Variants in TIMM17A observed in about 807,000 individuals in gnomAD.
TIMM17A encodes mitochondrial import inner membrane translocase subunit Tim17-A.
In TIMM17A, 15 loss-of-function variants were observed where a neutral mutation model predicts 26.5. The observed-to-expected ratio is 0.57, with a 90% confidence interval of 0.38 to 0.87. The LOEUF (loss-of-function observed/expected upper bound fraction) is 0.87. TIMM17A is among the 40% of genes least tolerant of loss of function. The pLI is 0.00. For synonymous variants in TIMM17A, 80 were observed against 70.8 expected (o/e 1.13, Z -0.66); for missense variants, 201 against 210.0 (o/e 0.96, Z 0.27).
At position 201,969,730 on chromosome 1, in the gene TIMM17A, A is replaced by G. The variant is rs1682698753; in HGVS notation, c.*176A>G. On this transcript the variant is annotated 3_prime_UTR_variant, in exon 6 of 6. Coordinates refer to ENST00000367287, the MANE Select transcript of TIMM17A (RefSeq NM_006335.3). ...GGAACAAGCGGGGAAGGGTGCTAAA[A>G]GATAATACGTTTATTTATTCACACT... 1 of 487,496 alleles carries G rather than the reference A, an allele frequency of 2.1e-6. No homozygotes were observed. Among genetic ancestry groups the G allele is most frequent in the Non-Finnish European group, 3.7e-6 (1 of 273,882 alleles). 30.2% of individuals were successfully genotyped at this position (487,496 alleles called of 1,614,324 possible).
intron 1 of TIMM17A, among the ~76,000 whole-genome samples, chr1:201,956,356 A>G (rs147896288): frequency 2.0e-5 from 3 of 152,294 alleles, no homozygotes; most frequent in East Asian, 1.9e-4. Flanking sequence ...TCGGTTAATC[A>G]TTTGTTTTAT....
intron 5 of TIMM17A, among the ~76,000 whole-genome samples, chr1:201,966,564 C>T (rs1315158664): frequency 6.6e-6 from 1 of 151,810 alleles, no homozygotes; most frequent in East Asian, 1.9e-4. Context: ...GTGAGGTGGC[C>T]GGGCACGGTG....
chr1:201,960,755 T>C (rs1301617944), intron 3 of TIMM17A, among the ~76,000 whole-genome samples: 2 of 151,768 alleles, frequency 1.3e-5, no homozygotes, highest in African/African-American at 4.9e-5. Context: ...AAAGGTGTTA[T>C]ATTTTCTTTC....
At chr1:201,961,105 G>A (rs1682519523) in intron 3 of TIMM17A, among the ~76,000 whole-genome samples, 1 of 117,934 alleles carries the variant, frequency 8.5e-6, no homozygotes, top group African/African-American at 3.3e-5. Context: ...CGCTCTTGTT[G>A]CCCAGGCTAG....
chr1:201,960,247 C>T (rs979210557), intron 3 of TIMM17A, among the ~76,000 whole-genome samples: 1 of 151,842 alleles, frequency 6.6e-6, no homozygotes. Flanking sequence ...TAAAAATACA[C>T]CAATTAGCCG....
intron 3 of TIMM17A, among the ~76,000 whole-genome samples, chr1:201,959,429 G>A (rs1477605706): frequency 6.6e-6 from 1 of 152,122 alleles, no homozygotes; most frequent in Non-Finnish European, 1.5e-5. Context: ...GCTAAGGCGG[G>A]TGGATCACGA....
intron 5 of TIMM17A, among the ~76,000 whole-genome samples, chr1:201,966,352 A>T (rs774002466): frequency 8.6e-5 from 13 of 151,852 alleles, no homozygotes; most frequent in Non-Finnish European, 1.6e-4. Flanking sequence ...ATGGAGCGAG[A>T]CTCTGTCTCA....
At chr1:201,968,152 A>G (rs1251161464) in intron 5 of TIMM17A, among the ~76,000 whole-genome samples, 1 of 146,484 alleles carries the variant, frequency 6.8e-6, no homozygotes, top group Non-Finnish European at 1.5e-5. Flanking sequence ...GCGCAACATC[A>G]CACCTGGCTC....
chr1:201,958,392 G>A (rs1682467100), intron 3 of TIMM17A, among the ~76,000 whole-genome samples: 2 of 152,250 alleles, frequency 1.3e-5, no homozygotes, highest in South Asian at 4.1e-4. Context: ...ATGTTTGTAG[G>A]TTATATTCAC....
chr1:201,966,065 C>G (rs1400308909), intron 5 of TIMM17A, among the ~76,000 whole-genome samples: 1 of 152,148 alleles, frequency 6.6e-6, no homozygotes, highest in African/African-American at 2.4e-5. Context: ...CTTTAGGGTT[C>G]ACAGTAGAAG....
At position 201,968,059 on chromosome 1, in the gene TIMM17A, C is replaced by G. The variant is rs141337707; in HGVS notation, c.431-1410C>G. 4.6e-3 allele frequency among the ~76,000 whole-genome samples: 706 copies of G among 152,240 alleles called. 1 individual carries two copies. The highest frequency in any genetic ancestry group is 0.021 in the East Asian group (108 of 5,178). The stretch of plus-strand genomic sequence containing the variant: ...TCGCCCAGGCTGGATTGCAGTGGTG[C>G]AATCTCAGCTTACTGCACCCTCCGC... On this transcript the variant is annotated intron_variant, in intron 5 of 5. Coordinates refer to ENST00000367287, the MANE Select transcript of TIMM17A (RefSeq NM_006335.3).
rs565451331 is a variant in TIMM17A at position 201,955,507 on chromosome 1, C to G, written c.-20C>G. On this transcript the variant is annotated 5_prime_UTR_variant, in exon 1 of 6. Transcript: ENST00000367287. ...GCTCCGCCCAGCTTGCCCGGCATCA[C>G]TCGCGGCATTGGAGTCAAGATGGAG... 150 of 1,614,264 alleles carry G rather than the reference C, an allele frequency of 9.3e-5. 2 individuals carry two copies. In the South Asian group the frequency reaches 1.5e-3, roughly 16 times the overall value.
Position 201,964,641 on chromosome 1 carries a change from T to TTTTTTTTTTTTTTTTTTTTTTTTC in TIMM17A, c.320-769_320-768insCTTTTTTTTTTTTTTTTTTTTTTT, listed in dbSNP as rs1682593043. Among the ~76,000 whole-genome samples the TTTTTTTTTTTTTTTTTTTTTTTTC allele has an allele frequency of 4.2e-5, 3 of 71,204 alleles. 1 individual carries two copies. The highest frequency in any genetic ancestry group is 5.8e-5 in the African/African-American group (1 of 17,178). 46.7% of individuals were successfully genotyped at this position (71,204 alleles called of 152,430 possible). A position where few individuals can be genotyped will look rare whatever the true frequency, so the allele number is the denominator to read the frequency against. On this transcript the variant is annotated intron_variant, in intron 4 of 5. Coordinates refer to ENST00000367287, the MANE Select transcript of TIMM17A (RefSeq NM_006335.3). ...TATTTATTTTATTTTATTTCTTTTT[T>TTTTTTTTTTTTTTTTTTTTTTTTC]TTTTTTTTTTTTTTTTTTTTTTTTT... is the stretch of plus-strand genomic sequence containing the variant.
chr1:201,964,245 A>G (rs551403658), intron 4 of TIMM17A, among the ~76,000 whole-genome samples: 1 of 152,320 alleles, frequency 6.6e-6, no homozygotes, highest in East Asian at 1.9e-4. Context: ...GGTTGAGAGC[A>G]CTTCAGGTCC....
chr1:201,963,630 T>C lies in TIMM17A; in HGVS notation c.205T>C (p.Trp69Arg), dbSNP rs752795827. ...CAATAAAATAGGTAGCTTTGCAGTT[T>C]GGGGAGGGCTGTTTTCCATGATTGA... ...APQLGGSFAV[W>R]GGLFSMIDCS... The change falls in exon 4 of 6, where the codon TGG becomes CGG. Residue 69 changes from tryptophan (W) to arginine (R), a missense_variant. Coordinates refer to ENST00000367287, the MANE Select transcript of TIMM17A (RefSeq NM_006335.3). The C allele has an allele frequency of 6.2e-7, 1 of 1,602,292 alleles. No homozygotes were observed. Among genetic ancestry groups the C allele is most frequent in the South Asian group, 1.1e-5 (1 of 88,048 alleles).
intron 3 of TIMM17A, among the ~76,000 whole-genome samples, chr1:201,959,426 C>T (rs1006960598): frequency 2.0e-5 from 3 of 152,066 alleles, no homozygotes; most frequent in African/African-American, 4.8e-5. Flanking sequence ...GAGGCTAAGG[C>T]GGGTGGATCA....
In TIMM17A at chr1:201,957,529, C is replaced by G. The variant is rs1160335642; in HGVS notation, c.145C>G (p.Arg49Gly). 2 of 1,613,696 alleles carry G rather than the reference C, an allele frequency of 1.2e-6. No individual in the cohort carries two copies. Among genetic ancestry groups the G allele is most frequent in the East Asian group, 4.5e-5 (2 of 44,884 alleles). ...NSPVGVNHRL[R>G]GSLTAIKTRA... is the part of the protein sequence containing the mutation. ...GTTATAGGGAGTAAACCACAGACTA[C>G]GAGGGAGTTTGACAGCTATTAAAAC... The change falls in exon 3 of 6, where the codon CGA becomes GGA. Residue 49 changes from arginine to glycine, a missense_variant. Transcript: ENST00000367287.
chr1:201,967,366 C>T (rs1436161953), intron 5 of TIMM17A, among the ~76,000 whole-genome samples: 1 of 152,006 alleles, frequency 6.6e-6, no homozygotes, highest in African/African-American at 2.4e-5. Flanking sequence ...TTGACTGCTT[C>T]AGTGTGAAAG....
In TIMM17A at chr1:201,955,560, T is replaced by A; in HGVS notation, c.26+8T>A. 1 of 1,614,238 alleles carries A rather than the reference T, an allele frequency of 6.2e-7. No homozygotes were observed. ...GTACGCGCGAGAGCCTTGGTGAGCTTCACCGCTGTCTTTGCATTTCTCTTG... is the reference window on the plus strand; with the variant it reads ...GTACGCGCGAGAGCCTTGGTGAGCTACACCGCTGTCTTTGCATTTCTCTTG... On this transcript the variant is annotated splice_region_variant and intron_variant, in intron 1 of 5. Transcript: ENST00000367287.
Sources: allele counts gnomAD v4.1 joint callset (sites outside exome capture counted in the v4.1 genomes callset), GRCh38; gene constraint gnomAD v4.1.1; transcripts MANE v1.5; gene names NCBI Gene and HGNC (gene_info 2026-07-23, HGNC 2026-07-21).